TFB1M: variants seen among roughly 807,000 people sequenced by gnomAD.
The protein encoded by TFB1M is transcription factor B1, mitochondrial.
Under a neutral mutation model 31.1 loss-of-function variants are expected in TFB1M, and 27 were observed. The observed-to-expected ratio is 0.87, with a 90% CI of 0.64 to 1.20. The LOEUF is 1.20. Among genes scored for constraint, TFB1M ranks in the 50% most tolerant of loss-of-function variants. The pLI is 0.00. For synonymous variants in TFB1M, 166 were observed against 151.8 expected (o/e 1.09, Z -0.69); for missense variants, 394 against 418.7 (o/e 0.94, Z 0.51).
At chr6:155,290,463 T>C (rs1326139951) in intron 4 of TFB1M, among the ~76,000 whole-genome samples, 1 of 151,570 alleles carries the variant, frequency 6.6e-6, no homozygotes, top group Non-Finnish European at 1.5e-5. Flanking sequence ...AAACTTTCAC[T>C]TGCAAAATGT....
chr6:155,282,955 C>G (rs879816067), intron 5 of TFB1M, among the ~76,000 whole-genome samples: 11 of 152,052 alleles, frequency 7.2e-5, no homozygotes, highest in Non-Finnish European at 1.6e-4. Context: ...TCTCGATCTC[C>G]TGACCTCGTG....
At chr6:155,297,188 G>T (rs1010032280) in intron 3 of TFB1M, 84 bp from the exon 4 acceptor site, 3 of 1,407,390 alleles carry the variant, frequency 2.1e-6, no homozygotes, top group African/African-American at 2.9e-5. Context: ...AATCAGACTG[G>T]ATATTAATAG....
chr6:155,298,415 T>C, intron 3 of TFB1M, 62 bp downstream of exon 3: 2 of 852,584 alleles, frequency 2.3e-6, no homozygotes, highest in Admixed American at 1.7e-5. Context: ...TATCATAAAA[T>C]GAACATTTGT....
At position 155,264,479 on chromosome 6, in the gene TFB1M, T is replaced by C. The variant is rs529298016; in HGVS notation, c.667-4079A>G. 6.6e-5 allele frequency among the ~76,000 whole-genome samples: 10 copies of C among 152,378 alleles called. No homozygotes were observed. The South Asian group carries it at 2.1e-3, about 32-fold the overall frequency. ...AATTTCCACTGTAAAACCTTAAAGCTGACAGCATTCTAAGTATTTCAAACC... is the reference window on the plus strand; with the variant it reads ...AATTTCCACTGTAAAACCTTAAAGCCGACAGCATTCTAAGTATTTCAAACC... On this transcript the variant is annotated intron_variant, in intron 5 of 6. Coordinates refer to ENST00000367166, the MANE Select transcript of TFB1M (RefSeq NM_016020.4).
chr6:155,242,159 C>T, the TFB1M span, among the ~76,000 whole-genome samples: 4 of 152,180 alleles, frequency 2.6e-5, no homozygotes, highest in East Asian at 1.9e-4. Context: ...CTTTGCCCCC[C>T]GCAGCTCTGC....
chr6:155,267,913 T>C (rs1784736742), intron 5 of TFB1M, among the ~76,000 whole-genome samples: 1 of 152,204 alleles, frequency 6.6e-6, no homozygotes, highest in Non-Finnish European at 1.5e-5. Flanking sequence ...TGAGTCCTTA[T>C]AGTTTAGTCT....
At chr6:155,284,566 C>T (rs912421267) in intron 5 of TFB1M, among the ~76,000 whole-genome samples, 1 of 152,110 alleles carries the variant, frequency 6.6e-6, no homozygotes, top group Non-Finnish European at 1.5e-5. Flanking sequence ...AATAACTCAC[C>T]AAGCAGTGGT....
At chr6:155,287,446 T>C (rs149221392) in intron 4 of TFB1M, among the ~76,000 whole-genome samples, 4 of 152,112 alleles carry the variant, frequency 2.6e-5, no homozygotes, top group Non-Finnish European at 5.9e-5. Flanking sequence ...GAATACGAGA[T>C]TGAATCCCAA....
At chr6:155,238,895 C>T in the TFB1M span, among the ~76,000 whole-genome samples, 2 of 152,098 alleles carry the variant, frequency 1.3e-5, no homozygotes, top group Non-Finnish European at 2.9e-5. Flanking sequence ...GAAAGACTAG[C>T]CAGAGATCAA....
chr6:155,247,309 T>C, the TFB1M span, among the ~76,000 whole-genome samples: 1 of 152,198 alleles, frequency 6.6e-6, no homozygotes, highest in African/African-American at 2.4e-5. Flanking sequence ...AGGGTCTGGA[T>C]AACATTGCTT....
intron 5 of TFB1M, among the ~76,000 whole-genome samples, chr6:155,283,208 G>C (rs1045595337): frequency 6.6e-6 from 1 of 152,062 alleles, no homozygotes; most frequent in Non-Finnish European, 1.5e-5. Flanking sequence ...AAGCGGGTAG[G>C]TCACTGGAGG....
At chr6:155,234,760 A>G in the TFB1M span, among the ~76,000 whole-genome samples, 1 of 152,200 alleles carries the variant, frequency 6.6e-6, no homozygotes, top group Non-Finnish European at 1.5e-5. Context: ...GGCTCAATAG[A>G]TGTCCCAGTT....
chr6:155,259,136 C>A (rs1054375969), intron 6 of TFB1M, among the ~76,000 whole-genome samples: 2 of 152,202 alleles, frequency 1.3e-5, no homozygotes, highest in Non-Finnish European at 2.9e-5. Flanking sequence ...GTGCTCCCTC[C>A]TCCCCCATGA....
At chr6:155,236,832 T>A in the TFB1M span, among the ~76,000 whole-genome samples, 11 of 152,166 alleles carry the variant, frequency 7.2e-5, no homozygotes, top group Admixed American at 7.2e-4. Flanking sequence ...CATCTCCCAC[T>A]GGGCCCCTCC....
Position 155,257,272 on chromosome 6 carries a change from A to AGTT in TFB1M, c.*561_*563dup. The AGTT allele has an allele frequency of 1.1e-6, 1 of 883,238 alleles. No homozygotes were observed. Among genetic ancestry groups the AGTT allele is most frequent in the East Asian group, 2.7e-5 (1 of 37,378 alleles). The allele number at this position is 883,238 out of a possible 1,614,324, so 54.7% of individuals were successfully genotyped here. A position where few individuals can be genotyped will look rare whatever the true frequency, so the allele number is the denominator to read the frequency against. Reference sequence around the variant, plus strand: ...CCCACAAAATGGTTGTAAAGATTTAAGTTATTTTAATTTATTGTGGATCAG... The same window carrying AGTT: ...CCCACAAAATGGTTGTAAAGATTTAAGTTGTTATTTTAATTTATTGTGGATCAG... On this transcript the variant is annotated 3_prime_UTR_variant, in exon 7 of 7. Transcript: ENST00000367166.
the TFB1M span, among the ~76,000 whole-genome samples, chr6:155,233,346 C>T: frequency 6.6e-6 from 1 of 152,108 alleles, no homozygotes; most frequent in African/African-American, 2.4e-5. Flanking sequence ...TGGTATTTTT[C>T]TAATGAAAAG....
chr6:155,313,932 C>T (rs920171194), intron 1 of TFB1M, among the ~76,000 whole-genome samples: 3 of 152,200 alleles, frequency 2.0e-5, no homozygotes, highest in African/African-American at 7.2e-5. Context: ...GCATGTAAAG[C>T]AACTGCAGTC....
chr6:155,253,245 C>T (rs568358408), downstream of TFB1M: 134 of 513,840 alleles, frequency 2.6e-4, no homozygotes, highest in South Asian at 4.5e-3. Flanking sequence ...TGGTGGATAG[C>T]TTTTTCTTTG....
At chr6:155,303,271 T>C (rs998080674) in intron 2 of TFB1M, 1 of 152,322 alleles carries the variant, frequency 6.6e-6, no homozygotes, top group Non-Finnish European at 1.5e-5. Flanking sequence ...AAACCAAATT[T>C]CACCCTTTTC....
Sources: allele counts gnomAD v4.1 joint callset (sites outside exome capture counted in the v4.1 genomes callset), GRCh38; gene constraint gnomAD v4.1.1; transcripts MANE v1.5; gene names NCBI Gene and HGNC (gene_info 2026-07-23, HGNC 2026-07-21).